The following ATP2A3 variants were observed in gnomAD, a reference collection of about 807,000 sequenced individuals.
ATP2A3 encodes sarcoplasmic/endoplasmic reticulum calcium ATPase 3.
Under a neutral mutation model 106.8 loss-of-function variants are expected in ATP2A3, and 61 were observed. The observed-to-expected ratio is 0.57, with a 90% CI of 0.46 to 0.71. The LOEUF is 0.71. Ranked by LOEUF, ATP2A3 falls within the 30% of genes least tolerant of loss-of-function variation. The pLI, the probability that ATP2A3 is intolerant of heterozygous loss-of-function variation, is 0.00. For missense variants in ATP2A3, 1,201 were observed against 1,423.5 expected, an observed-to-expected ratio of 0.84 and a Z score of 2.52; for synonymous variants, 611 against 609.3, an observed-to-expected ratio of 1.00 and a Z score of -0.04.
chr17:3,959,003 T>C (rs1315928335), intron 1 of ATP2A3, among the ~76,000 whole-genome samples: 3 of 151,662 alleles, frequency 2.0e-5, no homozygotes, highest in African/African-American at 7.3e-5. Flanking sequence ...GCGATTCTCC[T>C]GCCTCAGCCT....
At chr17:3,940,052 T>G (rs1195065157) in intron 14 of ATP2A3, among the ~76,000 whole-genome samples, 3 of 139,608 alleles carry the variant, frequency 2.1e-5, no homozygotes, top group Non-Finnish European at 4.6e-5. Flanking sequence ...TGTTTTTTGT[T>G]TTTTTTTTTT....
Position 3,924,561 on chromosome 17 carries a change from C to A in ATP2A3, c.*861G>T. ...GCCACGGTCAGGAACCTGAGGATGT[C>A]GGTGGTCTCAGGTACCAGGGACGCG... On this transcript the variant is annotated 3_prime_UTR_variant, in exon 21 of 21. Coordinates refer to ENST00000397041, the MANE Select transcript of ATP2A3 (RefSeq NM_005173.4). This position sits in a 1 kb window ranked among gnomAD's most constrained non-coding sequence, Gnocchi z 6.4. 2 of 349,006 alleles carry A rather than the reference C, an allele frequency of 5.7e-6. No homozygotes were observed. Among genetic ancestry groups the A allele is most frequent in the Non-Finnish European group, 1.1e-5 (2 of 175,332 alleles). The allele number at this position is 349,006 out of a possible 1,614,324, so 21.6% of individuals were successfully genotyped here.
chr17:3,936,508 G>GC lies in ATP2A3; in HGVS notation c.2322-40dup, dbSNP rs753159777. 1.2e-6 allele frequency: 2 copies of GC among 1,606,328 alleles called. No homozygotes were observed. The highest frequency in any genetic ancestry group is 1.7e-5 in the Admixed American group (1 of 59,996). The stretch of plus-strand genomic sequence containing the variant: ...ATGAGCTCTAGCCCCGGTAGGCCTA[G>GC]CCCCCGGCAGATGCAGGCTCCAGCT... On this transcript the variant is annotated intron_variant, in intron 15 of 20. Coordinates refer to ENST00000397041, the MANE Select transcript of ATP2A3 (RefSeq NM_005173.4). The surrounding 1 kb of genome is among the most constrained non-coding windows in gnomAD (Gnocchi z 5.4).
intron 15 of ATP2A3, chr17:3,937,086 G>A (rs1017758786): frequency 2.9e-5 from 12 of 415,528 alleles, no homozygotes; most frequent in South Asian, 4.3e-5. Flanking sequence ...ATTCGCACAC[G>A]GACACACACA....
At chr17:3,941,381 G>A in intron 13 of ATP2A3, 55 bp downstream of exon 13, 1 of 1,613,458 alleles carries the variant, frequency 6.2e-7, no homozygotes, top group Non-Finnish European at 8.5e-7. Flanking sequence ...GCTGCAGGGA[G>A]ACTTGGCTCC....
rs1467314252 is a variant in ATP2A3, at chr17:3,936,056, C to A, written c.2524+211G>T. Among the ~76,000 whole-genome samples, 1 of 152,198 alleles carries A rather than the reference C, an allele frequency of 6.6e-6. No homozygotes were observed. Among genetic ancestry groups the A allele is most frequent in the South Asian group, 2.1e-4 (1 of 4,820 alleles). ...GCAGCCATTCTGCCACCATGAGGGA[C>A]GTGGGCCTGAGAATGAAGCTGAGGC... On this transcript the variant is annotated intron_variant, in intron 16 of 20. Coordinates refer to ENST00000397041, the MANE Select transcript of ATP2A3 (RefSeq NM_005173.4). This position sits in a 1 kb window ranked among gnomAD's most constrained non-coding sequence, Gnocchi z 5.4.
chr17:3,937,711 AC>A (rs1338892651), intron 14 of ATP2A3, 75 bp from the exon 15 acceptor site: 21 of 1,439,280 alleles, frequency 1.5e-5, no homozygotes, highest in African/African-American at 2.8e-5. Flanking sequence ...AACTCAGCCC[AC>A]CCCCAATCTT....
chr17:3,936,658 C>CCTT lies in ATP2A3; in HGVS notation c.2322-192_2322-190dup, dbSNP rs1597595091. ...TCTGCCTCGGGCCTGGCCAGTCCTG[C>CCTT]CTTCCCCAGTCCCAGCTCTGGATCC... On this transcript the variant is annotated intron_variant, in intron 15 of 20. Coordinates refer to ENST00000397041, the MANE Select transcript of ATP2A3 (RefSeq NM_005173.4). This position sits in a 1 kb window ranked among gnomAD's most constrained non-coding sequence, Gnocchi z 5.4. 2 of 653,014 alleles carry CCTT rather than the reference C, an allele frequency of 3.1e-6. No individual in the cohort carries two copies. Among genetic ancestry groups the CCTT allele is most frequent in the East Asian group, 5.6e-5 (2 of 35,578 alleles). 40.5% of individuals were successfully genotyped at this position (653,014 alleles called of 1,614,324 possible).
Position 3,947,810 on chromosome 17 carries a change from T to C in ATP2A3, c.676A>G (p.Thr226Ala). ...SGKAVGVAVA[T>A]GLHTELGKIR... ...TTGCCCAGCTCCGTGTGCAGGCCGG[T>C]GGCCACGGCCACACCCACCGCTTTG... The change falls in exon 8 of 21, where the codon ACC becomes GCC. Residue 226 changes from threonine to alanine, a missense_variant. Physicochemically the swap from Thr to Ala is moderately conservative, Grantham distance 58. Around this residue, in one of 2 missense-constraint regions of ATP2A3, gnomAD observed 935 missense variants for 1,176.7 expected, o/e 0.79. Coordinates refer to ENST00000397041, the MANE Select transcript of ATP2A3 (RefSeq NM_005173.4). The surrounding 1 kb of genome is among the most constrained non-coding windows in gnomAD (Gnocchi z 7.7). 6.3e-7 allele frequency: 1 copy of C among 1,599,692 alleles called. No individual in the cohort carries two copies. The highest frequency in any genetic ancestry group is 8.5e-7 in the Non-Finnish European group (1 of 1,179,836).
In ATP2A3 at chr17:3,947,807, C is replaced by G; in HGVS notation, c.679G>C (p.Gly227Arg). 6.3e-7 allele frequency: 1 copy of G among 1,599,842 alleles called. No individual in the cohort carries two copies. ...GKAVGVAVAT[G>R]LHTELGKIRS... ...ATCTTGCCCAGCTCCGTGTGCAGGC[C>G]GGTGGCCACGGCCACACCCACCGCT... The change falls in exon 8 of 21, where the codon GGC (glycine) becomes CGC (arginine). Residue 227 changes from glycine to arginine, a missense_variant. Physicochemically the swap from Gly to Arg is moderately radical, Grantham distance 125 (BLOSUM62 -2). Transcript: ENST00000397041. This position sits in a 1 kb window ranked among gnomAD's most constrained non-coding sequence, Gnocchi z 7.7.
In ATP2A3 at chr17:3,925,016, C is replaced by T; in HGVS notation, c.*406G>A. ...AGAGTCCTCCGTCAGTGCAGAGGCA[C>T]CAGTCACCAAGTGAACGTCCAGCTT... On this transcript the variant is annotated 3_prime_UTR_variant, in exon 21 of 21. Transcript: ENST00000397041. The surrounding 1 kb of genome is among the most constrained non-coding windows in gnomAD (Gnocchi z 4.2). 2.5e-6 allele frequency: 1 copy of T among 400,106 alleles called. No homozygotes were observed. Among genetic ancestry groups the T allele is most frequent in the Non-Finnish European group, 4.8e-6 (1 of 209,040 alleles). 24.8% of individuals were successfully genotyped at this position (400,106 alleles called of 1,614,324 possible).
intron 1 of ATP2A3, among the ~76,000 whole-genome samples, chr17:3,958,188 A>G (rs1379978581): frequency 6.6e-6 from 1 of 152,252 alleles, no homozygotes; most frequent in Non-Finnish European, 1.5e-5. Flanking sequence ...TCCATCTGCA[A>G]AAAGAGGGTG....
At chr17:3,940,495 A>T (rs1032365084) in intron 14 of ATP2A3, among the ~76,000 whole-genome samples, 1 of 152,214 alleles carries the variant, frequency 6.6e-6, no homozygotes, top group African/African-American at 2.4e-5. Flanking sequence ...GGTGTTCAGA[A>T]TAAAATTAGT....
rs1597612621 is a variant in ATP2A3, at chr17:3,941,180, T to A, written c.1891A>T (p.Thr631Ser). Residue 631 changes from threonine (T) to serine (S), a missense_variant, in exon 14 of 21, where the codon ACT becomes TCT. By Grantham distance (58) the Thr-to-Ser change is moderately conservative (BLOSUM62 1). This residue lies in a region of ATP2A3 where 935 missense variants were observed against 1,176.7 expected (regional missense o/e 0.79). Transcript: ENST00000397041. ...AGCCTGCGGCAGATGGCCACGGCAG[T>A]GCCTTTGTTATCCCCCGTGATCATG... ...VVMITGDNKG[T>S]AVAICRRLGI... The A allele has an allele frequency of 6.2e-7, 1 of 1,614,148 alleles. No homozygotes were observed. The highest frequency in any genetic ancestry group is 2.2e-5 in the East Asian group (1 of 44,884).
At position 3,936,194 on chromosome 17, in the gene ATP2A3, C is replaced by G. The variant is rs2053431776; in HGVS notation, c.2524+73G>C. Reference sequence around the variant, plus strand: ...CACAAGCCAGGCTGAGTCACACTGTCTGCAGCTTGCAAGCCTGATACAAGG... The same window carrying G: ...CACAAGCCAGGCTGAGTCACACTGTGTGCAGCTTGCAAGCCTGATACAAGG... On this transcript the variant is annotated intron_variant, in intron 16 of 20. Transcript: ENST00000397041. This position sits in a 1 kb window ranked among gnomAD's most constrained non-coding sequence, Gnocchi z 5.4. 5.7e-6 allele frequency: 9 copies of G among 1,569,600 alleles called. No individual in the cohort carries two copies. Among genetic ancestry groups the G allele is most frequent in the South Asian group, 3.3e-5 (3 of 90,096 alleles).
At position 3,924,872 on chromosome 17, in the gene ATP2A3, G is replaced by T; in HGVS notation, c.*550C>A. The T allele has an allele frequency of 2.2e-6, 1 of 456,954 alleles. No individual in the cohort carries two copies. The highest frequency in any genetic ancestry group is 2.3e-5 in the Admixed American group (1 of 42,570). 28.3% of individuals were successfully genotyped at this position (456,954 alleles called of 1,614,324 possible). On this transcript the variant is annotated 3_prime_UTR_variant, in exon 21 of 21. Coordinates refer to ENST00000397041, the MANE Select transcript of ATP2A3 (RefSeq NM_005173.4). This position sits in a 1 kb window ranked among gnomAD's most constrained non-coding sequence, Gnocchi z 6.4. The stretch of plus-strand genomic sequence containing the variant: ...TTGTGGAAGCAGAGTGGAGTGGAGG[G>T]GGCTGCCCACCCTCGCTGTACACAG...
At position 3,926,479 on chromosome 17, in the gene ATP2A3, A is replaced by AGGAGGT. The variant is rs1209983063; in HGVS notation, c.2981-1044_2981-1039dup. 6.6e-6 allele frequency among the ~76,000 whole-genome samples: 1 copy of AGGAGGT among 152,010 alleles called. No homozygotes were observed. On this transcript the variant is annotated intron_variant, in intron 20 of 20. Coordinates refer to ENST00000397041, the MANE Select transcript of ATP2A3 (RefSeq NM_005173.4). The surrounding 1 kb of genome is among the most constrained non-coding windows in gnomAD (Gnocchi z 4.6). ...CACAGGGACCACCGTCAACATCTCAAGGAGGTGGAGGTGGAGGTGCTTTCT... is the reference window on the plus strand; with the variant it reads ...CACAGGGACCACCGTCAACATCTCAAGGAGGTGGAGGTGGAGGTGGAGGTGCTTTCT...
chr17:3,947,245 T>A lies in ATP2A3; in HGVS notation c.1095+146A>T. On this transcript the variant is annotated intron_variant, in intron 8 of 20. Transcript: ENST00000397041. The surrounding 1 kb of genome is among the most constrained non-coding windows in gnomAD (Gnocchi z 7.7). ...TTGCTATAGTCTCCCTGTCATCTTG[T>A]GAAAACCTGGACCTGCTCTGGGCCA... 1.0e-6 allele frequency: 1 copy of A among 985,540 alleles called. No homozygotes were observed. The highest frequency in any genetic ancestry group is 1.5e-6 in the Non-Finnish European group (1 of 649,816). 61.0% of individuals were successfully genotyped at this position (985,540 alleles called of 1,614,324 possible).
chr17:3,946,997 C>A (rs1272493044), intron 8 of ATP2A3, among the ~76,000 whole-genome samples: 1 of 152,244 alleles, frequency 6.6e-6, no homozygotes, highest in African/African-American at 2.4e-5. Flanking sequence ...GTGTCGACTG[C>A]ACAGAGTCAT....
Sources: allele counts gnomAD v4.1 joint callset (sites outside exome capture counted in the v4.1 genomes callset), GRCh38; gene constraint gnomAD v4.1.1; regional missense constraint gnomAD v4.1.1; non-coding constraint Gnocchi (gnomAD v3.1); transcripts MANE v1.5; gene names NCBI Gene and HGNC (gene_info 2026-07-23, HGNC 2026-07-21).